Variants in ERN1 observed in about 807,000 individuals in gnomAD.
ERN1 encodes endoplasmic reticulum to nucleus signaling 1.
In ERN1, 39 loss-of-function variants were observed where a neutral mutation model predicts 113.1. That is an observed-to-expected ratio of 0.34 (90% CI 0.27 to 0.45). ERN1 has a LOEUF of 0.45. ERN1 is among the 20% of genes least tolerant of loss of function. The pLI is 1.00. For synonymous variants in ERN1, 507 were observed against 515.9 expected (o/e 0.98, Z 0.23); for missense variants, 976 against 1,274.8 (o/e 0.77, Z 3.57).
At chr17:64,061,747 C>A (rs1426709858) in intron 10 of ERN1, among the ~76,000 whole-genome samples, 2 of 152,206 alleles carry the variant, frequency 1.3e-5, no homozygotes, top group African/African-American at 2.4e-5. Flanking sequence ...GCCCAGGAAT[C>A]CGAATGTGAG....
chr17:64,055,039 C>T (rs767760226), intron 13 of ERN1, among the ~76,000 whole-genome samples: 3 of 152,230 alleles, frequency 2.0e-5, no homozygotes, highest in African/African-American at 4.8e-5. Context: ...ATTCTGTCTC[C>T]GCCTTTACCT....
intron 1 of ERN1, among the ~76,000 whole-genome samples, chr17:64,117,304 G>A (rs747571485): frequency 3.3e-5 from 5 of 151,416 alleles, no homozygotes; most frequent in East Asian, 1.9e-4. Context: ...TTAGCTGGGC[G>A]TATTGGCACA....
rs573651147 is a variant in ERN1, at chr17:64,102,808, A to C, written c.55-4567T>G. 4.2e-5 allele frequency: 41 copies of C among 985,436 alleles called. 1 individual carries two copies. The South Asian group carries it at 1.4e-3, about 33-fold the overall frequency. 61.0% of individuals were successfully genotyped at this position (985,436 alleles called of 1,614,324 possible). A position where few individuals can be genotyped will look rare whatever the true frequency, so the allele number is the denominator to read the frequency against. ...CACACACTGGTTTCCAGAGAGCCTG[A>C]AAATGGAAAGAAAATGTCGAGTCTG... On this transcript the variant is annotated intron_variant, in intron 1 of 21. Coordinates refer to ENST00000433197, the MANE Select transcript of ERN1 (RefSeq NM_001433.5).
chr17:64,110,660 C>T (rs1914647587), intron 1 of ERN1, among the ~76,000 whole-genome samples: 1 of 152,234 alleles, frequency 6.6e-6, no homozygotes, highest in Non-Finnish European at 1.5e-5. Context: ...TAAGCTATGG[C>T]TGCTTCACTT....
Position 64,054,396 on chromosome 17 carries a change from G to C in ERN1, c.1807C>G (p.Pro603Ala), listed in dbSNP as rs1912786907. 1 of 1,594,544 alleles carries C rather than the reference G, an allele frequency of 6.3e-7. No individual in the cohort carries two copies. Among genetic ancestry groups the C allele is most frequent in the Non-Finnish European group, 8.5e-7 (1 of 1,170,612 alleles). ...CGGTCTGCGAAGCTAAAACACTCGGGGAGGATCCTCTTCACGGCCACGTCG... is the reference window on the plus strand; with the variant it reads ...CGGTCTGCGAAGCTAAAACACTCGGCGAGGATCCTCTTCACGGCCACGTCG... ...NRDVAVKRIL[P>A]ECFSFADREV... Residue 603 changes from proline to alanine, a missense_variant, in exon 15 of 22, where the codon CCC becomes GCC. Physicochemically the swap from Pro to Ala is conservative, Grantham distance 27. Transcript: ENST00000433197. The surrounding 1 kb of genome is among the most constrained non-coding windows in gnomAD (Gnocchi z 4.9).
At chr17:64,081,745 TTC>T (rs1491441197) in intron 2 of ERN1, among the ~76,000 whole-genome samples, 3 of 152,354 alleles carry the variant, frequency 2.0e-5, no homozygotes, top group African/African-American at 7.2e-5. Flanking sequence ...ACACGTTTTT[TTC>T]TCTAAGTCAA....
intron 4 of ERN1, among the ~76,000 whole-genome samples, chr17:64,075,585 C>T (rs1913567251): frequency 6.6e-6 from 1 of 152,066 alleles, no homozygotes; most frequent in Admixed American, 6.6e-5. Flanking sequence ...GGCATGTTGC[C>T]ACTACACCCA....
intron 8 of ERN1, 89 bp downstream of exon 8, chr17:64,066,582 T>C (rs1913232118): frequency 2.0e-6 from 3 of 1,492,796 alleles, no homozygotes; most frequent in African/African-American, 2.8e-5. Context: ...GCCCTGTCTT[T>C]GGCCTCCCGT....
At chr17:64,090,785 G>C (rs1043355747) in intron 2 of ERN1, among the ~76,000 whole-genome samples, 3 of 152,152 alleles carry the variant, frequency 2.0e-5, no homozygotes, top group African/African-American at 7.2e-5. Flanking sequence ...AGTGAGTGGG[G>C]GTGCAGGTGA....
rs183681159 is a variant in ERN1, at chr17:64,095,887, G to C, written c.175+2234C>G. ...TGACTGAACTCAATTCATTCACCAG[G>C]GTTTACCTCTGACACCCCACTTCAC... On this transcript the variant is annotated intron_variant, in intron 2 of 21. Transcript: ENST00000433197. 1.8e-4 allele frequency among the ~76,000 whole-genome samples: 28 copies of C among 152,144 alleles called. No individual in the cohort carries two copies. The East Asian group carries it at 5.4e-3, about 29-fold the overall frequency.
At chr17:64,112,211 C>T (rs1016725457) in intron 1 of ERN1, among the ~76,000 whole-genome samples, 1 of 151,842 alleles carries the variant, frequency 6.6e-6, no homozygotes, top group South Asian at 2.1e-4. Flanking sequence ...CTATTAAATA[C>T]TCAAAAATTA....
chr17:64,067,289 C>T (rs562770930), intron 7 of ERN1, among the ~76,000 whole-genome samples: 1 of 151,986 alleles, frequency 6.6e-6, no homozygotes, highest in South Asian at 2.1e-4. Flanking sequence ...TGAAACCCAT[C>T]GATCAAACTG....
At chr17:64,089,333 A>T (rs1378708226) in intron 2 of ERN1, among the ~76,000 whole-genome samples, 1 of 150,560 alleles carries the variant, frequency 6.6e-6, no homozygotes, top group Non-Finnish European at 1.5e-5. Context: ...AAAAAAAAAA[A>T]AAAAAAAAAA....
intron 7 of ERN1, among the ~76,000 whole-genome samples, chr17:64,067,621 C>T (rs933684584): frequency 6.7e-6 from 1 of 149,812 alleles, no homozygotes; most frequent in Non-Finnish European, 1.5e-5. Context: ...AAAAAAACAA[C>T]AAAAAAACAC....
In ERN1 at chr17:64,054,350, T is replaced by C. The variant is rs1486949941; in HGVS notation, c.1853A>G (p.Glu618Gly). ...FADREVQLLR[E>G]SDEHPNVIRY... ...GATCACGTTCGGGTGCTCATCCGATTCTCGCAACAGCTGGACCTCACGGTC... is the reference window on the plus strand; with the variant it reads ...GATCACGTTCGGGTGCTCATCCGATCCTCGCAACAGCTGGACCTCACGGTC... The change falls in exon 15 of 22, where the codon GAA (glutamate) becomes GGA (glycine). Residue 618 changes from glutamate to glycine, a missense_variant. This residue lies in a region of ERN1 where 297 missense variants were observed against 457.8 expected (regional missense o/e 0.65). Coordinates refer to ENST00000433197, the MANE Select transcript of ERN1 (RefSeq NM_001433.5). This position sits in a 1 kb window ranked among gnomAD's most constrained non-coding sequence, Gnocchi z 4.9. 1 of 1,612,640 alleles carries C rather than the reference T, an allele frequency of 6.2e-7. No homozygotes were observed. Among genetic ancestry groups the C allele is most frequent in the East Asian group, 2.2e-5 (1 of 44,856 alleles).
chr17:64,108,799 A>G (rs1348648680), intron 1 of ERN1, among the ~76,000 whole-genome samples: 1 of 152,224 alleles, frequency 6.6e-6, no homozygotes, highest in Non-Finnish European at 1.5e-5. Flanking sequence ...CCATTTGAGT[A>G]TGTCTACTCA....
Position 64,054,827 on chromosome 17 carries a change from A to T in ERN1, c.1674T>A (p.Asp558Glu). The part of the protein sequence containing the change: ...SSPSLEQDDG[D>E]EETSVVIVGK... The stretch of plus-strand genomic sequence containing the variant: ...CAACTATCACCACGCTGGTTTCCTC[A>T]TCTGGGACAAAATAGGAAAAAGAGA... Residue 558 changes from aspartate to glutamate, a missense_variant and splice_region_variant, in exon 14 of 22, where the codon GAT becomes GAA. Transcript: ENST00000433197. The surrounding 1 kb of genome is among the most constrained non-coding windows in gnomAD (Gnocchi z 4.9). 6.2e-7 allele frequency: 1 copy of T among 1,602,888 alleles called. No homozygotes were observed. Among genetic ancestry groups the T allele is most frequent in the Non-Finnish European group, 8.5e-7 (1 of 1,173,638 alleles).
At chr17:64,062,764 C>T (rs1206548178) in intron 10 of ERN1, among the ~76,000 whole-genome samples, 1 of 152,112 alleles carries the variant, frequency 6.6e-6, no homozygotes, top group African/African-American at 2.4e-5. Flanking sequence ...TTTTTTCTCA[C>T]CATGGGCCTA....
In ERN1 at chr17:64,042,623, G is replaced by T. The variant is rs1245867542; in HGVS notation, c.*1365C>A. Reference sequence around the variant, plus strand: ...TTGCATTTTAACCTCTAAGGCTCTCGGGAGAGAAAAGACAAAGTTTTGACT... The same window carrying T: ...TTGCATTTTAACCTCTAAGGCTCTCTGGAGAGAAAAGACAAAGTTTTGACT... On this transcript the variant is annotated 3_prime_UTR_variant, in exon 22 of 22. Coordinates refer to ENST00000433197, the MANE Select transcript of ERN1 (RefSeq NM_001433.5). The T allele has an allele frequency of 6.6e-6, 1 of 152,016 alleles. No individual in the cohort carries two copies. Among genetic ancestry groups the T allele is most frequent in the Non-Finnish European group, 1.5e-5 (1 of 68,016 alleles). 9.4% of individuals were successfully genotyped at this position (152,016 alleles called of 1,614,324 possible). A position where few individuals can be genotyped will look rare whatever the true frequency, so the allele number is the denominator to read the frequency against.
Sources: allele counts gnomAD v4.1 joint callset (sites outside exome capture counted in the v4.1 genomes callset), GRCh38; gene constraint gnomAD v4.1.1; regional missense constraint gnomAD v4.1.1; non-coding constraint Gnocchi (gnomAD v3.1); transcripts MANE v1.5; gene names NCBI Gene and HGNC (gene_info 2026-07-23, HGNC 2026-07-21).